The following B3GALT1 variants were observed in gnomAD, a reference collection of about 807,000 sequenced individuals.
The protein encoded by B3GALT1 is beta-1,3-galactosyltransferase 1.
A neutral mutation model predicts 23.2 loss-of-function variants in B3GALT1; 10 were observed. That is an observed-to-expected ratio of 0.43 (90% CI 0.27 to 0.73). B3GALT1 has a LOEUF of 0.73. B3GALT1 is among the 30% of genes least tolerant of loss of function. The probability of loss-of-function intolerance (pLI) is 0.21; values close to 1 mark genes in which losing one functional copy is unlikely to be tolerated. For missense variants in B3GALT1, 299 were observed against 405.4 expected, an observed-to-expected ratio of 0.74 and a Z score of 2.25; for synonymous variants, 156 against 141.5, an observed-to-expected ratio of 1.10 and a Z score of -0.73.
intron 3 of B3GALT1, among the ~76,000 whole-genome samples, chr2:167,780,484 TCAAATA>T (rs1232968660): frequency 6.6e-6 from 1 of 152,244 alleles, no homozygotes; most frequent in African/African-American, 2.4e-5. Flanking sequence ...GCAGGCACTT[TCAAATA>T]GGTAGTCAAT....
At chr2:167,719,339 C>G (rs998008056) in intron 3 of B3GALT1, among the ~76,000 whole-genome samples, 1 of 152,114 alleles carries the variant, frequency 6.6e-6, no homozygotes, top group Non-Finnish European at 1.5e-5. Flanking sequence ...TAATATAATG[C>G]TTGACGTACA....
At chr2:167,765,698 A>G (rs887636101) in intron 3 of B3GALT1, among the ~76,000 whole-genome samples, 2 of 152,244 alleles carry the variant, frequency 1.3e-5, no homozygotes, top group African/African-American at 4.8e-5. Flanking sequence ...AAATTTGACT[A>G]TAAAATACGT....
At chr2:167,411,276 A>G (rs1698386384) in intron 1 of B3GALT1, among the ~76,000 whole-genome samples, 1 of 151,932 alleles carries the variant, frequency 6.6e-6, no homozygotes, top group Admixed American at 6.6e-5. Context: ...TGAAAAGACC[A>G]CTTACAGAAT....
chr2:167,331,105 A>G (rs147134281), intron 1 of B3GALT1, among the ~76,000 whole-genome samples: 181 of 152,012 alleles, frequency 1.2e-3, no homozygotes, highest in African/African-American at 4.2e-3. Context: ...TTGGGGGGGT[A>G]TGTAAATAGC....
At chr2:167,611,813 A>G (rs1468026514) in intron 2 of B3GALT1, among the ~76,000 whole-genome samples, 3 of 151,940 alleles carry the variant, frequency 2.0e-5, no homozygotes, top group Non-Finnish European at 4.4e-5. Context: ...TTTGGCCTTA[A>G]GGATGACTTT....
rs1368937738 is a variant in B3GALT1, at chr2:167,563,991, G to A, written c.-410+73714G>A. ...TCCCTTCCGGACGGGGCAGCCGGCC[G>A]GACGGGGGGCCGACCCTCCCACCTC... On this transcript the variant is annotated intron_variant, in intron 2 of 4. Coordinates refer to ENST00000392690, the MANE Select transcript of B3GALT1 (RefSeq NM_020981.4). 1.3e-4 allele frequency among the ~76,000 whole-genome samples: 19 copies of A among 144,408 alleles called. 1 individual carries two copies. Among genetic ancestry groups the A allele is most frequent in the Non-Finnish European group, 2.3e-4 (15 of 65,890 alleles). The allele number at this position is 144,408 out of a possible 152,430, so 94.7% of individuals were successfully genotyped here.
At chr2:167,821,741 G>A (rs964116091) in intron 4 of B3GALT1, among the ~76,000 whole-genome samples, 1 of 140,054 alleles carries the variant, frequency 7.1e-6, no homozygotes, top group Non-Finnish European at 1.5e-5. Context: ...AGCCTAGGAA[G>A]GTATTTTTTT....
intron 1 of B3GALT1, among the ~76,000 whole-genome samples, chr2:167,487,633 CAA>C (rs528040835): frequency 1.1e-4 from 17 of 152,156 alleles, no homozygotes; most frequent in Admixed American, 2.0e-4. Context: ...AAAAAAGAAA[CAA>C]GAGGATTTTT....
chr2:167,816,469 T>A (rs1688993705), intron 3 of B3GALT1, among the ~76,000 whole-genome samples: 1 of 152,110 alleles, frequency 6.6e-6, no homozygotes. Context: ...CTGGTTTGGT[T>A]ATTTTTCACT....
At chr2:167,366,801 G>C (rs1574050717) in intron 1 of B3GALT1, among the ~76,000 whole-genome samples, 1 of 152,206 alleles carries the variant, frequency 6.6e-6, no homozygotes, top group South Asian at 2.1e-4. Context: ...GCATTGGCTA[G>C]AAGCTTATCT....
chr2:167,493,188 A>G (rs1267942415), intron 2 of B3GALT1, among the ~76,000 whole-genome samples: 1 of 152,276 alleles, frequency 6.6e-6, no homozygotes, highest in South Asian at 2.1e-4. Flanking sequence ...GAGATTCTTC[A>G]TGAGCCTTTC....
At chr2:167,709,938 G>A (rs970764878) in intron 3 of B3GALT1, among the ~76,000 whole-genome samples, 2 of 152,076 alleles carry the variant, frequency 1.3e-5, no homozygotes, top group Non-Finnish European at 2.9e-5. Context: ...GTGACACATA[G>A]CACATGCTCA....
At chr2:167,836,147 T>G (rs1218544348) in intron 4 of B3GALT1, among the ~76,000 whole-genome samples, 1 of 152,174 alleles carries the variant, frequency 6.6e-6, no homozygotes, top group South Asian at 2.1e-4. Flanking sequence ...AGTATCGCAG[T>G]TCCTCACCTT....
At chr2:167,819,917 G>A (rs1689071723) in intron 4 of B3GALT1, among the ~76,000 whole-genome samples, 1 of 152,190 alleles carries the variant, frequency 6.6e-6, no homozygotes, top group East Asian at 1.9e-4. Context: ...CTTACTGACA[G>A]CATTGGAAGG....
chr2:167,376,948 T>A (rs1016129436), intron 1 of B3GALT1, among the ~76,000 whole-genome samples: 1 of 152,172 alleles, frequency 6.6e-6, no homozygotes, highest in Non-Finnish European at 1.5e-5. Context: ...TAATTTGAGA[T>A]CTTTCTAACT....
chr2:167,868,616 T>A (rs774946357), intron 4 of B3GALT1, among the ~76,000 whole-genome samples, 195 bp from the exon 5 acceptor site: 1 of 152,126 alleles, frequency 6.6e-6, no homozygotes, highest in Non-Finnish European at 1.5e-5. Context: ...GGTATTAATA[T>A]ACATACACAG....
chr2:167,419,807 C>G (rs1291959335), intron 1 of B3GALT1, among the ~76,000 whole-genome samples: 4 of 152,156 alleles, frequency 2.6e-5, no homozygotes, highest in Non-Finnish European at 4.4e-5. Flanking sequence ...AAACAGTCCC[C>G]TGGGCCTGTC....
At chr2:167,799,493 G>A (rs1688601660) in intron 3 of B3GALT1, among the ~76,000 whole-genome samples, 1 of 152,124 alleles carries the variant, frequency 6.6e-6, no homozygotes, top group Admixed American at 6.6e-5. Context: ...TCTCGTTGTT[G>A]ATGAAATATA....
chr2:167,803,081 AACACACACACACACACACACACAC>A, intron 3 of B3GALT1, among the ~76,000 whole-genome samples: 2 of 141,482 alleles, frequency 1.4e-5, no homozygotes, highest in South Asian at 4.5e-4. Flanking sequence ...GACCCTAACA[AACACACACACACACACACACACAC>A]ACACACACAC....
Sources: allele counts gnomAD v4.1 joint callset (sites outside exome capture counted in the v4.1 genomes callset), GRCh38; gene constraint gnomAD v4.1.1; transcripts MANE v1.5; gene names NCBI Gene and HGNC (gene_info 2026-07-23, HGNC 2026-07-21).